TYRO3: variants seen among roughly 807,000 people sequenced by gnomAD.
The protein encoded by TYRO3 is TYRO3 protein tyrosine kinase.
A neutral mutation model predicts 95.2 loss-of-function variants in TYRO3; 38 were observed. The ratio of observed to expected loss-of-function variants is 0.40; its 90% CI spans 0.31 to 0.52. The LOEUF (loss-of-function observed/expected upper bound fraction) is 0.52. Ranked by LOEUF, TYRO3 falls within the 20% of genes least tolerant of loss-of-function variation. The pLI, the probability that TYRO3 is intolerant of heterozygous loss-of-function variation, is 0.56. For synonymous variants in TYRO3, 367 were observed against 432.9 expected (o/e 0.85, Z 1.89); for missense variants, 812 against 1,116.4 (o/e 0.73, Z 3.89).
chr15:41,559,480 T>TGGGGGG, intron 1 of TYRO3, 99 bp downstream of exon 1: 1 of 193,558 alleles, frequency 5.2e-6, no homozygotes, highest in Non-Finnish European at 1.0e-5. Flanking sequence ...GGAGTCGGGG[T>TGGGGGG]GGGGGTCCGG....
chr15:41,581,135 A>G lies in TYRO3; in HGVS notation c.*2859A>G, dbSNP rs2055918626. On this transcript the variant is annotated 3_prime_UTR_variant, in exon 19 of 19. Coordinates refer to ENST00000263798, the MANE Select transcript of TYRO3 (RefSeq NM_006293.4). The stretch of plus-strand genomic sequence containing the variant: ...AACCTGGGAGGAGGAGGTTGCAGTA[A>G]GCTGAGATCTTGCCACTAAACTTCG... 6.5e-6 allele frequency: 1 copy of G among 153,398 alleles called. No individual in the cohort carries two copies. The allele number at this position is 153,398 out of a possible 1,614,324, so 9.5% of individuals were successfully genotyped here.
chr15:41,565,576 A>C (rs1181399551), intron 6 of TYRO3, among the ~76,000 whole-genome samples: 1 of 137,854 alleles, frequency 7.3e-6, no homozygotes, highest in Non-Finnish European at 1.5e-5. Flanking sequence ...CACCACGCCC[A>C]GCTAACTTTT....
intron 18 of TYRO3, among the ~76,000 whole-genome samples, chr15:41,574,168 ATTTAT>A: frequency 6.6e-6 from 1 of 151,824 alleles, no homozygotes; most frequent in South Asian, 2.1e-4. Context: ...TTTAATTTGT[ATTTAT>A]TTTATTTTAT....
At chr15:41,561,847 C>G in intron 3 of TYRO3, 1 of 456,616 alleles carries the variant, frequency 2.2e-6, no homozygotes, top group South Asian at 2.5e-5. Context: ...CAACTGGGAT[C>G]CACAACCTGT....
chr15:41,562,331 CAAAAAAAAAAAAA>C (rs11363130), intron 3 of TYRO3: 2 of 174,246 alleles, frequency 1.1e-5, no homozygotes, highest in East Asian at 2.6e-4. Flanking sequence ...CGACCAATCT[CAAAAAAAAAAAAA>C]AAAAAAAAAA....
Position 41,580,820 on chromosome 15 carries a change from CAG to C in TYRO3, c.*2545_*2546del, listed in dbSNP as rs919871676. On this transcript the variant is annotated 3_prime_UTR_variant, in exon 19 of 19. Transcript: ENST00000263798. Reference sequence around the variant, plus strand: ...TATTTTTTGTATTTTTTTGTAGAGACAGGGTTTCGCCATGTTGGCCAGGCTGG... The same window carrying C: ...TATTTTTTGTATTTTTTTGTAGAGACGGTTTCGCCATGTTGGCCAGGCTGG... 2 of 152,140 alleles carry C rather than the reference CAG, an allele frequency of 1.3e-5. No individual in the cohort carries two copies. The highest frequency in any genetic ancestry group is 2.9e-5 in the Non-Finnish European group (2 of 68,050). 9.4% of individuals were successfully genotyped at this position (152,140 alleles called of 1,614,324 possible).
At position 41,581,080 on chromosome 15, in the gene TYRO3, A is replaced by T. The variant is rs1203027396; in HGVS notation, c.*2804A>T. On this transcript the variant is annotated 3_prime_UTR_variant, in exon 19 of 19. Transcript: ENST00000263798. ...GTGGCGCAGGTTTGTCATCTCAGCT[A>T]CTGGGTGACTGAGGCATGAGAATCA... 1 of 153,274 alleles carries T rather than the reference A, an allele frequency of 6.5e-6. No homozygotes were observed. Among genetic ancestry groups the T allele is most frequent in the Non-Finnish European group, 1.5e-5 (1 of 68,032 alleles). The allele number at this position is 153,274 out of a possible 1,614,324, so 9.5% of individuals were successfully genotyped here.
chr15:41,575,010 C>T lies in TYRO3; in HGVS notation c.2282+1195C>T, dbSNP rs1445782944. On this transcript the variant is annotated intron_variant, in intron 18 of 18. Coordinates refer to ENST00000263798, the MANE Select transcript of TYRO3 (RefSeq NM_006293.4). Reference sequence around the variant, plus strand: ...CTGGGATTACAGGTGTGAGCCACCACGCCCAGCCCAGAGGACCTTTCATGA... The same window carrying T: ...CTGGGATTACAGGTGTGAGCCACCATGCCCAGCCCAGAGGACCTTTCATGA... Among the ~76,000 whole-genome samples, 6 of 152,248 alleles carry T rather than the reference C, an allele frequency of 3.9e-5. No individual in the cohort carries two copies. The South Asian group carries it at 6.2e-4, about 16-fold the overall frequency.
rs557739128 is a variant in TYRO3 at position 41,568,780 on chromosome 15, C to T, written c.1108-98C>T. 319 of 1,435,976 alleles carry T rather than the reference C, an allele frequency of 2.2e-4. 1 individual carries two copies. The highest frequency in any genetic ancestry group is 1.5e-3 in the Middle Eastern group (6 of 3,966). The allele number at this position is 1,435,976 out of a possible 1,614,324, so 89.0% of individuals were successfully genotyped here. A position where few individuals can be genotyped will look rare whatever the true frequency, so the allele number is the denominator to read the frequency against. ...CCCCTGAACCCACAGTGCCCCTATA[C>T]TCCCATGTTCCCAGCTGGACCTTTT... is the stretch of plus-strand genomic sequence containing the variant. On this transcript the variant is annotated intron_variant, in intron 8 of 18. Coordinates refer to ENST00000263798, the MANE Select transcript of TYRO3 (RefSeq NM_006293.4).
chr15:41,565,011 AGT>A lies in TYRO3; in HGVS notation c.668-14_668-13del. 1.4e-6 allele frequency: 2 copies of A among 1,382,344 alleles called. No individual in the cohort carries two copies. The highest frequency in any genetic ancestry group is 1.0e-6 in the Non-Finnish European group (1 of 978,806). The allele number at this position is 1,382,344 out of a possible 1,614,324, so 85.6% of individuals were successfully genotyped here. Reference sequence around the variant, plus strand: ...ATATCCCTACTGGGCACTGATTCTGAGTCCCCGTCCACAGCACTGCCTGCAGC... The same window carrying A: ...ATATCCCTACTGGGCACTGATTCTGACCCCGTCCACAGCACTGCCTGCAGC... On this transcript the variant is annotated splice_polypyrimidine_tract_variant and intron_variant, in intron 5 of 18. Coordinates refer to ENST00000263798, the MANE Select transcript of TYRO3 (RefSeq NM_006293.4).
chr15:41,567,341 G>C lies in TYRO3; in HGVS notation c.784-19G>C, dbSNP rs373397093. 7 of 1,472,000 alleles carry C rather than the reference G, an allele frequency of 4.8e-6. No individual in the cohort carries two copies. Among genetic ancestry groups the C allele is most frequent in the Non-Finnish European group, 6.3e-6 (7 of 1,108,960 alleles). The allele number at this position is 1,472,000 out of a possible 1,614,324, so 91.2% of individuals were successfully genotyped here. A position where few individuals can be genotyped will look rare whatever the true frequency, so the allele number is the denominator to read the frequency against. On this transcript the variant is annotated intron_variant, in intron 6 of 18. Coordinates refer to ENST00000263798, the MANE Select transcript of TYRO3 (RefSeq NM_006293.4). ...TCACAGGCTCTCCCCTACATCATTAGTTTTCTGCTTTTCTGTAGGTGACAC... is the reference window on the plus strand; with the variant it reads ...TCACAGGCTCTCCCCTACATCATTACTTTTCTGCTTTTCTGTAGGTGACAC...
In TYRO3 at chr15:41,569,885, C is replaced by A. The variant is rs1428193898; in HGVS notation, c.1253-142C>A. On this transcript the variant is annotated intron_variant, in intron 9 of 18. Coordinates refer to ENST00000263798, the MANE Select transcript of TYRO3 (RefSeq NM_006293.4). ...TGACCAGGTAGGAAGGACTCTTAGG[C>A]ATTCCTCTGGAGCCCCTTTCCCTCA... 3.5e-5 allele frequency: 37 copies of A among 1,047,274 alleles called. No individual in the cohort carries two copies. In the South Asian group the frequency reaches 6.2e-4, roughly 17 times the overall value. 64.9% of individuals were successfully genotyped at this position (1,047,274 alleles called of 1,614,324 possible). A position where few individuals can be genotyped will look rare whatever the true frequency, so the allele number is the denominator to read the frequency against.
chr15:41,568,976 T>C lies in TYRO3; in HGVS notation c.1206T>C (p.Cys402=). The C allele has an allele frequency of 2.5e-6, 4 of 1,614,116 alleles. No individual in the cohort carries two copies. Among genetic ancestry groups the C allele is most frequent in the Middle Eastern group, 1.7e-4 (1 of 6,044 alleles). ...TGTGCGTCTCCAATGCAGTTGGCTG[T>C]GGACCCTGGAGTCAGCCACTGGTGG... is the stretch of plus-strand genomic sequence containing the variant. ...VRVCVSNAVG[C]GPWSQPLVVS... Residue 402 remains cysteine (C), a synonymous_variant, in exon 9 of 19, where the codon TGT becomes TGC. Coordinates refer to ENST00000263798, the MANE Select transcript of TYRO3 (RefSeq NM_006293.4).
At chr15:41,572,900 A>T (rs1297708717) in intron 15 of TYRO3, 102 bp from the exon 16 acceptor site, 1 of 770,692 alleles carries the variant, frequency 1.3e-6, no homozygotes, top group Non-Finnish European at 2.0e-6. Flanking sequence ...CCTTCCAGTG[A>T]TTCTGGGGAC....
chr15:41,564,080 G>C (rs1301907786), intron 4 of TYRO3, 104 bp from the exon 5 acceptor site: 9 of 1,060,502 alleles, frequency 8.5e-6, no homozygotes, highest in Non-Finnish European at 8.7e-6. Flanking sequence ...TTTGGCAGGA[G>C]GGATTTAAGG....
At position 41,582,160 on chromosome 15, in the gene TYRO3, C is replaced by T. The variant is rs1322351823; in HGVS notation, c.*3884C>T. 6.6e-6 allele frequency: 1 copy of T among 152,066 alleles called. No individual in the cohort carries two copies. The highest frequency in any genetic ancestry group is 1.9e-4 in the East Asian group (1 of 5,182). The allele number at this position is 152,066 out of a possible 1,614,324, so 9.4% of individuals were successfully genotyped here. A position where few individuals can be genotyped will look rare whatever the true frequency, so the allele number is the denominator to read the frequency against. On this transcript the variant is annotated 3_prime_UTR_variant, in exon 19 of 19. Coordinates refer to ENST00000263798, the MANE Select transcript of TYRO3 (RefSeq NM_006293.4). ...TGATTACTTTGCGTTTGGCTTCTTT[C>T]CCTCAGCAACATGTTTATAAGGATC...
At chr15:41,562,805 G>T in intron 4 of TYRO3, 87 bp downstream of exon 4, 2 of 1,352,806 alleles carry the variant, frequency 1.5e-6, no homozygotes, top group East Asian at 2.5e-5. Context: ...CACTGAGCTT[G>T]CGGTTGTGAG....
rs2055913988 is a variant in TYRO3, at chr15:41,580,726, G to A, written c.*2450G>A. 1.3e-5 allele frequency: 2 copies of A among 152,032 alleles called. No individual in the cohort carries two copies. Among genetic ancestry groups the A allele is most frequent in the South Asian group, 4.2e-4 (2 of 4,810 alleles). 9.4% of individuals were successfully genotyped at this position (152,032 alleles called of 1,614,324 possible). On this transcript the variant is annotated 3_prime_UTR_variant, in exon 19 of 19. Coordinates refer to ENST00000263798, the MANE Select transcript of TYRO3 (RefSeq NM_006293.4). Reference sequence around the variant, plus strand: ...GCTCACTGTAACCTCTGTCTCCCAGGTTTAATCAAGTCTCTTGTCTTGGCT... The same window carrying A: ...GCTCACTGTAACCTCTGTCTCCCAGATTTAATCAAGTCTCTTGTCTTGGCT...
intron 6 of TYRO3, among the ~76,000 whole-genome samples, chr15:41,565,804 C>T (rs1432042559): frequency 2.0e-5 from 3 of 152,024 alleles, no homozygotes; most frequent in African/African-American, 7.2e-5. Flanking sequence ...ACCCCCCAAC[C>T]CCCACTCAAG....
Sources: allele counts gnomAD v4.1 joint callset (sites outside exome capture counted in the v4.1 genomes callset), GRCh38; gene constraint gnomAD v4.1.1; transcripts MANE v1.5; gene names NCBI Gene and HGNC (gene_info 2026-07-23, HGNC 2026-07-21).